INTS15: variants seen among roughly 807,000 people sequenced by gnomAD.
INTS15 encodes the protein uncharacterized protein C7orf26.
chr7:6,591,162 G>A, the INTS15 span, among the ~76,000 whole-genome samples: 1 of 152,060 alleles, frequency 6.6e-6, no homozygotes, highest in African/African-American at 2.4e-5. Flanking sequence ...AAGATCAACA[G>A]CAAAGATCTC....
At chr7:6,594,032 A>T in the INTS15 span, among the ~76,000 whole-genome samples, 4 of 66,758 alleles carry the variant, frequency 6.0e-5, no homozygotes, top group East Asian at 3.8e-4. Flanking sequence ...TTTTGAGATG[A>T]AGTTTTGCTT....
chr7:6,607,864 C>T, the INTS15 span: 2 of 1,547,196 alleles, frequency 1.3e-6, no homozygotes, highest in South Asian at 1.2e-5. The surrounding 1 kb of genome is among the most constrained non-coding windows in gnomAD (Gnocchi z 6.0). Context: ...CGGTGCCTCT[C>T]CTGGGCGGGG....
chr7:6,607,658 C>CGCAGCAGAGA, the INTS15 span: 1 of 1,498,132 alleles, frequency 6.7e-7, no homozygotes, highest in Non-Finnish European at 9.0e-7. The surrounding 1 kb of genome is among the most constrained non-coding windows in gnomAD (Gnocchi z 6.0). Flanking sequence ...TGTGTCCCAG[C>CGCAGCAGAGA]GCAGCAGAGA....
At chr7:6,594,381 G>C in the INTS15 span, 1 of 1,587,028 alleles carries the variant, frequency 6.3e-7, no homozygotes, top group Non-Finnish European at 8.6e-7. Flanking sequence ...CATAGTTGCT[G>C]GTCTACTCAC....
the INTS15 span, chr7:6,600,418 G>A: frequency 6.7e-7 from 1 of 1,496,682 alleles, no homozygotes; most frequent in Admixed American, 2.1e-5. Flanking sequence ...CAGAAGGAAG[G>A]AGGGGCTCCT....
chr7:6,594,413 G>T, the INTS15 span: 4 of 1,613,642 alleles, frequency 2.5e-6, no homozygotes, highest in Non-Finnish European at 3.4e-6. Context: ...GTAGTTAAGT[G>T]GACTGTGTGG....
chr7:6,598,016 A>G, the INTS15 span, among the ~76,000 whole-genome samples: 1 of 152,354 alleles, frequency 6.6e-6, no homozygotes, highest in Non-Finnish European at 1.5e-5. Flanking sequence ...GAACATGCCA[A>G]CGTGTATGAT....
chr7:6,592,489 T>C, the INTS15 span, among the ~76,000 whole-genome samples: 2 of 149,678 alleles, frequency 1.3e-5, no homozygotes, highest in Non-Finnish European at 3.0e-5. Context: ...ATCGTGTGAA[T>C]ATGGGAGGCG....
At chr7:6,594,944 T>A in the INTS15 span, among the ~76,000 whole-genome samples, 1 of 152,116 alleles carries the variant, frequency 6.6e-6, no homozygotes, top group Non-Finnish European at 1.5e-5. Flanking sequence ...GCCAGGCCGA[T>A]CTCAAACCCC....
the INTS15 span, chr7:6,607,863 T>C: frequency 1.3e-6 from 2 of 1,546,272 alleles, no homozygotes; most frequent in African/African-American, 2.7e-5. This position sits in a 1 kb window ranked among gnomAD's most constrained non-coding sequence, Gnocchi z 6.0. Flanking sequence ...TCGGTGCCTC[T>C]CCTGGGCGGG....
At chr7:6,605,144 C>T in the INTS15 span, among the ~76,000 whole-genome samples, 1 of 152,084 alleles carries the variant, frequency 6.6e-6, no homozygotes, top group Non-Finnish European at 1.5e-5. Flanking sequence ...AGGTGCCTGC[C>T]ACCACGCCTA....
At chr7:6,605,985 C>T in the INTS15 span, among the ~76,000 whole-genome samples, 3 of 151,870 alleles carry the variant, frequency 2.0e-5, no homozygotes, top group Admixed American at 1.3e-4. Context: ...AGGTGTGAGC[C>T]ACCACGCCTG....
chr7:6,602,821 G>A, the INTS15 span: 2 of 455,302 alleles, frequency 4.4e-6, no homozygotes, highest in South Asian at 3.1e-5. Flanking sequence ...AAGTCCATAT[G>A]TCCTTGGTCA....
chr7:6,608,409 C>T, the INTS15 span: 3 of 1,378,470 alleles, frequency 2.2e-6, no homozygotes, highest in East Asian at 2.9e-5. Context: ...TAAAAGATGC[C>T]GATCCTGGGA....
At chr7:6,590,154 G>A in the INTS15 span, 1 of 755,336 alleles carries the variant, frequency 1.3e-6, no homozygotes, top group Non-Finnish European at 1.8e-6. Context: ...GGCGGCGGCA[G>A]GCGGGCAAGC....
the INTS15 span, among the ~76,000 whole-genome samples, chr7:6,592,832 ACTC>A: frequency 4.0e-5 from 6 of 151,806 alleles, no homozygotes; most frequent in Non-Finnish European, 8.8e-5. Context: ...CTGGTCACGA[ACTC>A]CTGAGGTCAA....
chr7:6,605,240 C>T, the INTS15 span, among the ~76,000 whole-genome samples: 25 of 152,192 alleles, frequency 1.6e-4, no homozygotes, highest in African/African-American at 4.3e-4. Context: ...CTGCCTGTCT[C>T]GGCCTCCCAG....
At chr7:6,591,660 T>C in the INTS15 span, 1 of 1,614,162 alleles carries the variant, frequency 6.2e-7, no homozygotes, top group Non-Finnish European at 8.5e-7. Context: ...TGAATTCCCT[T>C]CAGGAGCTTC....
At chr7:6,596,767 C>T in the INTS15 span, among the ~76,000 whole-genome samples, 64 of 151,662 alleles carry the variant, frequency 4.2e-4, no homozygotes, top group Non-Finnish European at 8.1e-4. Context: ...CATATTCGTA[C>T]GCTAATTTCT....
Sources: allele counts gnomAD v4.1 joint callset (sites outside exome capture counted in the v4.1 genomes callset), GRCh38; gene constraint gnomAD v4.1.1; non-coding constraint Gnocchi (gnomAD v3.1); transcripts MANE v1.5; gene names NCBI Gene and HGNC (gene_info 2026-07-23, HGNC 2026-07-21).